STARD13: variants seen among roughly 807,000 people sequenced by gnomAD.
STARD13 encodes the protein stAR-related lipid transfer protein 13.
A neutral mutation model predicts 106.4 loss-of-function variants in STARD13; 62 were observed. That is an observed-to-expected ratio of 0.58 (90% confidence interval 0.48 to 0.72). The LOEUF (loss-of-function observed/expected upper bound fraction) is 0.72. STARD13 is among the 30% of genes least tolerant of loss of function. STARD13 has a pLI of 0.00. For missense variants in STARD13, 1,387 were observed against 1,424.0 expected (o/e 0.97, Z 0.42); for synonymous variants, 565 against 553.0 (o/e 1.02, Z -0.31).
At chr13:33,121,732 G>T (rs1409544857) in intron 7 of STARD13, among the ~76,000 whole-genome samples, 1 of 147,110 alleles carries the variant, frequency 6.8e-6, no homozygotes, top group Admixed American at 6.8e-5. Flanking sequence ...GTGCTGGAGT[G>T]CAGTAGCATG....
the STARD13 span, among the ~76,000 whole-genome samples, chr13:33,496,805 G>T: frequency 6.6e-6 from 1 of 151,930 alleles, no homozygotes; most frequent in Non-Finnish European, 1.5e-5. Context: ...ATGCCATTTT[G>T]TCTCAACATC....
At chr13:33,231,649 C>T (rs1181227593) in intron 1 of STARD13, among the ~76,000 whole-genome samples, 2 of 152,134 alleles carry the variant, frequency 1.3e-5, no homozygotes, top group African/African-American at 4.8e-5. Flanking sequence ...TTTAGACCCA[C>T]ATCTTAGAAA....
intron 1 of STARD13, among the ~76,000 whole-genome samples, chr13:33,184,453 T>C (rs1046374277): frequency 5.9e-5 from 9 of 152,008 alleles, no homozygotes; most frequent in African/African-American, 2.2e-4. Context: ...GTGGATAAAG[T>C]AAAGGTGGGA....
intron 7 of STARD13, among the ~76,000 whole-genome samples, chr13:33,122,264 G>A (rs1426260746): frequency 6.6e-6 from 1 of 152,222 alleles, no homozygotes; most frequent in African/African-American, 2.4e-5. Context: ...TTTTAAGTGT[G>A]AGCCACCATA....
At chr13:33,539,820 C>A in the STARD13 span, among the ~76,000 whole-genome samples, 4 of 152,090 alleles carry the variant, frequency 2.6e-5, no homozygotes, top group African/African-American at 9.7e-5. Flanking sequence ...CAAATCCCTA[C>A]AAATATACAA....
the STARD13 span, among the ~76,000 whole-genome samples, chr13:33,609,261 A>T: frequency 6.6e-6 from 1 of 152,142 alleles, no homozygotes; most frequent in African/African-American, 2.4e-5. Flanking sequence ...CTGCAATAAC[A>T]CAATAGAAAT....
chr13:33,385,432 T>TGG, the STARD13 span, among the ~76,000 whole-genome samples: 1 of 129,164 alleles, frequency 7.7e-6, no homozygotes, highest in East Asian at 2.3e-4. Context: ...CCAGAGGAAC[T>TGG]GGTAACTGAG....
intron 1 of STARD13, among the ~76,000 whole-genome samples, chr13:33,310,525 GTTC>G: frequency 6.6e-6 from 1 of 152,152 alleles, no homozygotes. Flanking sequence ...TGCATTGCTG[GTTC>G]TTCTCCTTTA....
At chr13:33,174,072 A>G (rs957077653) in intron 1 of STARD13, among the ~76,000 whole-genome samples, 1 of 152,218 alleles carries the variant, frequency 6.6e-6, no homozygotes, top group African/African-American at 2.4e-5. Flanking sequence ...CTATTAGAGT[A>G]AAAGAAGATC....
rs148010294 is a variant in STARD13 at position 33,185,221 on chromosome 13, C to T, written c.170-17599G>A. Among the ~76,000 whole-genome samples the T allele has an allele frequency of 3.1e-3, 466 of 152,290 alleles. 5 individuals carry two copies. The highest frequency in any genetic ancestry group is 1.0e-2 in the African/African-American group (414 of 41,554). On this transcript the variant is annotated intron_variant, in intron 1 of 13. Coordinates refer to ENST00000336934, the MANE Select transcript of STARD13 (RefSeq NM_178006.4). ...TCTGCCCTTAAAGAACTGAGACACACGCACACAGGCCATCAGTGGCTGATG... is the reference window on the plus strand; with the variant it reads ...TCTGCCCTTAAAGAACTGAGACACATGCACACAGGCCATCAGTGGCTGATG...
intron 1 of STARD13, among the ~76,000 whole-genome samples, chr13:33,230,352 G>C (rs1171732093): frequency 6.6e-6 from 1 of 152,310 alleles, no homozygotes; most frequent in Admixed American, 6.5e-5. Flanking sequence ...TTAGAAAGAA[G>C]AAGAGGCGTG....
the STARD13 span, among the ~76,000 whole-genome samples, chr13:33,568,911 T>C: frequency 1.3e-5 from 2 of 148,186 alleles, no homozygotes; most frequent in African/African-American, 4.9e-5. Context: ...AGCTAGACAA[T>C]TGAGTTCTCC....
In STARD13 at chr13:33,199,429, A is replaced by C. The variant is rs571031089; in HGVS notation, c.170-31807T>G. 5.9e-5 allele frequency among the ~76,000 whole-genome samples: 9 copies of C among 152,354 alleles called. No individual in the cohort carries two copies. The East Asian group carries it at 1.7e-3, about 29-fold the overall frequency. ...ATTTTGGAGGAGGAGAACTGTAGTG[A>C]GATAAGCATTTAGGTCCTTTGTAGA... On this transcript the variant is annotated intron_variant, in intron 1 of 13. Coordinates refer to ENST00000336934, the MANE Select transcript of STARD13 (RefSeq NM_178006.4).
At chr13:33,228,779 C>CGTAGA (rs1888753281) in intron 1 of STARD13, among the ~76,000 whole-genome samples, 1 of 152,012 alleles carries the variant, frequency 6.6e-6, no homozygotes, top group Non-Finnish European at 1.5e-5. Flanking sequence ...TCCCCCATCA[C>CGTAGA]GTAGAGTCTG....
intron 7 of STARD13, among the ~76,000 whole-genome samples, chr13:33,120,567 G>A (rs572955710): frequency 1.6e-4 from 25 of 152,086 alleles, no homozygotes; most frequent in Admixed American, 1.3e-3. Context: ...AAATATAGAC[G>A]TATATATATA....
At chr13:33,360,727 C>CCTTCTGTGTAG in the STARD13 span, among the ~76,000 whole-genome samples, 1 of 6,178 alleles carries the variant, frequency 1.6e-4, no homozygotes, top group African/African-American at 6.4e-4. Flanking sequence ...GACAGAAGGA[C>CCTTCTGTGTAG]ATATTGTTGA....
chr13:33,504,611 G>T, the STARD13 span, among the ~76,000 whole-genome samples: 19 of 121,474 alleles, frequency 1.6e-4, no homozygotes, highest in Non-Finnish European at 3.2e-4. Flanking sequence ...GTCATGGGGT[G>T]GGGGGAGGGG....
the STARD13 span, among the ~76,000 whole-genome samples, chr13:33,476,734 CAG>C: frequency 6.6e-6 from 1 of 152,296 alleles, no homozygotes; most frequent in East Asian, 1.9e-4. Flanking sequence ...CACCAAATAA[CAG>C]TGTTTTAATT....
intron 3 of STARD13, among the ~76,000 whole-genome samples, chr13:33,154,759 G>C (rs1881739776): frequency 6.6e-6 from 1 of 152,152 alleles, no homozygotes; most frequent in African/African-American, 2.4e-5. Flanking sequence ...TACAATAATT[G>C]CATCAGATCC....
Sources: gnomAD v4.1 joint callset for allele counts (sites outside exome capture counted in the v4.1 genomes callset) on GRCh38, gnomAD v4.1.1 for gene constraint, MANE v1.5 for transcripts, NCBI Gene and HGNC (gene_info 2026-07-23, HGNC 2026-07-21) for gene names.